SMAD3: variants seen among roughly 807,000 people sequenced by gnomAD.
SMAD3 encodes the protein MAD homolog 3.
SMAD3 carries 12 observed loss-of-function variants against 51.8 expected under a neutral mutation model. That is an observed-to-expected ratio of 0.23 (90% CI 0.15 to 0.38). The LOEUF is 0.38. SMAD3 is among the 10% of genes least tolerant of loss of function. The pLI is 1.00. For missense variants in SMAD3, 294 were observed against 565.6 expected (o/e 0.52, Z 4.87); for synonymous variants, 238 against 227.7 (o/e 1.05, Z -0.41).
chr15:67,070,414 C>T (rs889511585), intron 1 of SMAD3, among the ~76,000 whole-genome samples: 1 of 152,106 alleles, frequency 6.6e-6, no homozygotes, highest in African/African-American at 2.4e-5. Flanking sequence ...ATGCTGCTTG[C>T]ACCTGGGAGT....
In SMAD3 at chr15:67,164,931, G is replaced by A. The variant is rs1555412065; in HGVS notation, c.243G>A (p.Lys81=). ...GCCGGTTGCAGGTGTCCCATCGGAA[G>A]GGGCTCCCTCATGTCATCTACTGCC... The part of the protein sequence containing the change: ...LDGRLQVSHR[K]GLPHVIYCRL... Residue 81 remains lysine (K), a synonymous_variant, in exon 2 of 9, where the codon AAG becomes AAA. Transcript: ENST00000327367. 2 of 1,613,384 alleles carry A rather than the reference G, an allele frequency of 1.2e-6. No homozygotes were observed. Among genetic ancestry groups the A allele is most frequent in the African/African-American group, 1.3e-5 (1 of 74,928 alleles).
At chr15:67,183,499 A>C (rs1242751349) in intron 6 of SMAD3, among the ~76,000 whole-genome samples, 2 of 152,126 alleles carry the variant, frequency 1.3e-5, no homozygotes, top group African/African-American at 2.4e-5. Flanking sequence ...TGCAGAACTA[A>C]AGCCAGAAAA....
chr15:67,194,749 G>A lies in SMAD3; in HGVS notation c.*4213G>A, dbSNP rs1383427865. The A allele has an allele frequency of 8.6e-6, 2 of 232,328 alleles. No individual in the cohort carries two copies. The highest frequency in any genetic ancestry group is 1.7e-5 in the Non-Finnish European group (2 of 117,200). The allele number at this position is 232,328 out of a possible 1,614,324, so 14.4% of individuals were successfully genotyped here. A position where few individuals can be genotyped will look rare whatever the true frequency, so the allele number is the denominator to read the frequency against. On this transcript the variant is annotated 3_prime_UTR_variant, in exon 9 of 9. Transcript: ENST00000327367. ...CCAGGCTGGCTAAACAAGTGGCCGCGTGTAAAAACAGACAGCTCTGAGTCA... is the reference window on the plus strand; with the variant it reads ...CCAGGCTGGCTAAACAAGTGGCCGCATGTAAAAACAGACAGCTCTGAGTCA...
At chr15:67,140,702 T>C (rs934343337) in intron 1 of SMAD3, among the ~76,000 whole-genome samples, 1 of 152,200 alleles carries the variant, frequency 6.6e-6, no homozygotes, top group East Asian at 1.9e-4. Context: ...GTGGTTGCGC[T>C]ACAAAACCCA....
intron 1 of SMAD3, among the ~76,000 whole-genome samples, chr15:67,163,944 TA>T (rs57803788): frequency 0.35 from 30,635 of 87,698 alleles, 4,076 homozygotes; most frequent in East Asian, 0.55. Flanking sequence ...GTATCAAAAG[TA>T]AAAAAAAAAA....
chr15:67,188,352 G>T (rs1414669401), intron 8 of SMAD3, among the ~76,000 whole-genome samples: 2 of 151,724 alleles, frequency 1.3e-5, no homozygotes, highest in Admixed American at 1.3e-4. Flanking sequence ...TGCCCAGGGT[G>T]GTCTCGAACT....
chr15:67,076,016 T>A (rs973511957), intron 1 of SMAD3, among the ~76,000 whole-genome samples: 7 of 152,174 alleles, frequency 4.6e-5, no homozygotes, highest in Non-Finnish European at 7.4e-5. Flanking sequence ...TCATTTTTCC[T>A]TTCCAAGGGG....
intron 1 of SMAD3, among the ~76,000 whole-genome samples, chr15:67,164,089 A>G (rs1274894727): frequency 6.6e-6 from 1 of 152,056 alleles, no homozygotes; most frequent in African/African-American, 2.4e-5. Flanking sequence ...AGGCGGGCAG[A>G]TCACGAGGTT....
At chr15:67,087,399 C>A (rs1157959717) in intron 1 of SMAD3, among the ~76,000 whole-genome samples, 2 of 152,178 alleles carry the variant, frequency 1.3e-5, no homozygotes, top group Non-Finnish European at 2.9e-5. Context: ...ACCTGAGTTT[C>A]CTGCATAGTT....
intron 5 of SMAD3, among the ~76,000 whole-genome samples, chr15:67,174,957 T>A (rs945763312): frequency 2.0e-5 from 3 of 152,168 alleles, no homozygotes; most frequent in Admixed American, 2.0e-4. Context: ...TGGCTCAGCA[T>A]CCTGCCCCAG....
intron 1 of SMAD3, among the ~76,000 whole-genome samples, chr15:67,115,393 CT>C (rs1481994777): frequency 6.6e-6 from 1 of 152,164 alleles, no homozygotes; most frequent in Non-Finnish European, 1.5e-5. Context: ...CCACAGTCTG[CT>C]TTGATGGAAA....
chr15:67,177,140 G>C (rs1962921192), intron 5 of SMAD3, among the ~76,000 whole-genome samples: 1 of 152,140 alleles, frequency 6.6e-6, no homozygotes, highest in African/African-American at 2.4e-5. Flanking sequence ...CCCCCTGAGA[G>C]ATTTCTTTTA....
At chr15:67,176,914 G>C (rs568836100) in intron 5 of SMAD3, among the ~76,000 whole-genome samples, 2 of 152,334 alleles carry the variant, frequency 1.3e-5, no homozygotes, top group South Asian at 2.1e-4. Context: ...CCGTGGGCAC[G>C]TGCCATCGTC....
intron 1 of SMAD3, among the ~76,000 whole-genome samples, chr15:67,141,406 G>C (rs1264118007): frequency 6.6e-6 from 1 of 152,146 alleles, no homozygotes. Context: ...GGATGCAGTG[G>C]GAGGAACTTC....
At chr15:67,144,651 C>T (rs933404012) in intron 1 of SMAD3, among the ~76,000 whole-genome samples, 3 of 152,156 alleles carry the variant, frequency 2.0e-5, no homozygotes, top group Admixed American at 6.5e-5. Context: ...GAGGGCCTAT[C>T]AGTAGTGCAC....
chr15:67,171,264 G>A (rs1015531316), intron 5 of SMAD3, among the ~76,000 whole-genome samples: 4 of 152,190 alleles, frequency 2.6e-5, no homozygotes, highest in Non-Finnish European at 5.9e-5. Context: ...CTTGTTTATC[G>A]TTGTGTGTTA....
At chr15:67,166,979 C>G in intron 4 of SMAD3, 126 bp downstream of exon 4, 2 of 802,610 alleles carry the variant, frequency 2.5e-6, no homozygotes, top group South Asian at 2.9e-5. Flanking sequence ...ATTTGTAGAG[C>G]AACCGCGATG....
chr15:67,161,713 C>T (rs1171160848), intron 1 of SMAD3, among the ~76,000 whole-genome samples: 2 of 152,178 alleles, frequency 1.3e-5, no homozygotes, highest in Non-Finnish European at 2.9e-5. Flanking sequence ...TGGGGAGTAT[C>T]TGCTGTGATA....
At chr15:67,124,022 C>A (rs1390926632) in intron 1 of SMAD3, among the ~76,000 whole-genome samples, 1 of 152,184 alleles carries the variant, frequency 6.6e-6, no homozygotes, top group East Asian at 1.9e-4. Context: ...GAGTCTCCCT[C>A]TGTCACCCAG....
Sources: gnomAD v4.1 joint callset for allele counts (sites outside exome capture counted in the v4.1 genomes callset) on GRCh38, gnomAD v4.1.1 for gene constraint, MANE v1.5 for transcripts, NCBI Gene and HGNC (gene_info 2026-07-23, HGNC 2026-07-21) for gene names.